Variants in MARCHF4 observed in about 807,000 individuals in gnomAD.
The protein encoded by MARCHF4 is E3 ubiquitin-protein ligase MARCHF4.
Under a neutral mutation model 43.9 loss-of-function variants are expected in MARCHF4, and 14 were observed. The ratio of observed to expected loss-of-function variants is 0.32; its 90% CI spans 0.21 to 0.50. MARCHF4 has a LOEUF of 0.50. MARCHF4 is among the 20% of genes least tolerant of loss of function. The pLI, the probability that MARCHF4 is intolerant of heterozygous loss-of-function variation, is 0.98. For missense variants in MARCHF4, 468 were observed against 536.7 expected, an observed-to-expected ratio of 0.87 and a Z score of 1.27; for synonymous variants, 226 against 213.3, an observed-to-expected ratio of 1.06 and a Z score of -0.52.
Position 216,370,083 on chromosome 2 carries a change from C to T in MARCHF4, c.178G>A (p.Ala60Thr), listed in dbSNP as rs1442976344. ...KVFLLRRPPQ[A>T]PLPMHGDPQP... The stretch of plus-strand genomic sequence containing the variant: ...GGGTCGCCGTGCATGGGCAGGGGCG[C>T]TTGAGGAGGGCGCCGCAGTAAGAAA... The change falls in exon 1 of 4, where the codon GCG becomes ACG. Residue 60 changes from alanine to threonine, a missense_variant. Transcript: ENST00000273067. 4 of 1,579,928 alleles carry T rather than the reference C, an allele frequency of 2.5e-6. No homozygotes were observed. The highest frequency in any genetic ancestry group is 1.8e-5 in the Admixed American group (1 of 54,770).
Position 216,298,732 on chromosome 2 carries a change from A to G in MARCHF4, c.517-15003T>C, listed in dbSNP as rs1427465171. Among the ~76,000 whole-genome samples, 4 of 152,168 alleles carry G rather than the reference A, an allele frequency of 2.6e-5. No homozygotes were observed. In the East Asian group the frequency reaches 7.7e-4, roughly 29 times the overall value. ...CCTCATAACTACAGCCCCTTCCCAC[A>G]CATAAAATTCCCCCTAAATCAGGAA... On this transcript the variant is annotated intron_variant, in intron 1 of 3. Coordinates refer to ENST00000273067, the MANE Select transcript of MARCHF4 (RefSeq NM_020814.3).
chr2:216,330,766 G>A (rs894658062), intron 1 of MARCHF4, among the ~76,000 whole-genome samples: 37 of 151,992 alleles, frequency 2.4e-4, no homozygotes, highest in Non-Finnish European at 1.0e-4. Context: ...ATGGGTTAAA[G>A]AAGAAATCAC....
chr2:216,341,658 G>A (rs1692237105), intron 1 of MARCHF4, among the ~76,000 whole-genome samples: 1 of 152,230 alleles, frequency 6.6e-6, no homozygotes, highest in South Asian at 2.1e-4. Flanking sequence ...GCAGTGAATG[G>A]AGGACAGCAA....
intron 1 of MARCHF4, among the ~76,000 whole-genome samples, chr2:216,320,607 T>TTTTTTCTTTCTTTCTTTC (rs1553518097): frequency 8.9e-5 from 10 of 112,180 alleles, no homozygotes; most frequent in Admixed American, 4.2e-4. Flanking sequence ...TATAGCCTCT[T>TTTTTTCTTTCTTTCTTTC]TTTCTTTCTT....
chr2:216,323,234 TAA>T (rs990134358), intron 1 of MARCHF4, among the ~76,000 whole-genome samples: 6 of 152,208 alleles, frequency 3.9e-5, no homozygotes, highest in African/African-American at 1.4e-4. Context: ...AATGAGTGGG[TAA>T]GAATCTGGGC....
chr2:216,327,558 G>T (rs571965452), intron 1 of MARCHF4, among the ~76,000 whole-genome samples: 1 of 152,184 alleles, frequency 6.6e-6, no homozygotes, highest in East Asian at 1.9e-4. Context: ...AAGCTTTTCT[G>T]CAACCTCTCT....
intron 1 of MARCHF4, among the ~76,000 whole-genome samples, chr2:216,311,936 T>G (rs933349869): frequency 6.6e-6 from 1 of 152,252 alleles, no homozygotes; most frequent in African/African-American, 2.4e-5. Context: ...ACATTGATTA[T>G]AAGGTTGATT....
chr2:216,329,344 G>A (rs1258310365), intron 1 of MARCHF4, among the ~76,000 whole-genome samples: 2 of 152,286 alleles, frequency 1.3e-5, no homozygotes, highest in Middle Eastern at 3.4e-3. Context: ...TGGCGCCACT[G>A]GACTCCAGCC....
At chr2:216,358,098 G>T (rs923163430) in intron 1 of MARCHF4, among the ~76,000 whole-genome samples, 1 of 152,184 alleles carries the variant, frequency 6.6e-6, no homozygotes, top group African/African-American at 2.4e-5. Flanking sequence ...ACTATGCTAA[G>T]ATTTTTGCAT....
chr2:216,268,912 C>T (rs774951779), intron 3 of MARCHF4, among the ~76,000 whole-genome samples: 16 of 152,162 alleles, frequency 1.1e-4, no homozygotes, highest in Non-Finnish European at 2.4e-4. Context: ...AATCCTGCTG[C>T]CCCCATCCTC....
At chr2:216,344,542 T>A (rs1395782990) in intron 1 of MARCHF4, among the ~76,000 whole-genome samples, 2 of 152,104 alleles carry the variant, frequency 1.3e-5, no homozygotes, top group Non-Finnish European at 2.9e-5. Flanking sequence ...TTGGCAAGAA[T>A]GGGAAATTGA....
chr2:216,333,588 T>G (rs1692113322), intron 1 of MARCHF4, among the ~76,000 whole-genome samples: 1 of 152,192 alleles, frequency 6.6e-6, no homozygotes, highest in Non-Finnish European at 1.5e-5. Context: ...AAATCACACA[T>G]GCATGCCCCA....
chr2:216,307,824 C>G (rs746445029), intron 1 of MARCHF4, among the ~76,000 whole-genome samples: 1 of 152,098 alleles, frequency 6.6e-6, no homozygotes, highest in Non-Finnish European at 1.5e-5. Flanking sequence ...GTGGGAAGAG[C>G]GCTTGAGGCC....
chr2:216,259,422 G>C lies in MARCHF4; in HGVS notation c.1123C>G (p.His375Asp). ...TGCAGGATGGTATAAGCACAGTGGT[G>C]ATGGGACAGAGGGCCTGAGGGGTGG... ...AGHPSGPLSH[H>D]HCAYTILHIL... The change falls in exon 4 of 4, where the codon CAC (histidine) becomes GAC (aspartate). Residue 375 changes from histidine to aspartate, a missense_variant. Coordinates refer to ENST00000273067, the MANE Select transcript of MARCHF4 (RefSeq NM_020814.3). The C allele has an allele frequency of 1.2e-6, 2 of 1,614,018 alleles. No homozygotes were observed. Among genetic ancestry groups the C allele is most frequent in the Non-Finnish European group, 1.7e-6 (2 of 1,179,926 alleles).
chr2:216,316,620 C>A (rs1313288846), intron 1 of MARCHF4, among the ~76,000 whole-genome samples: 1 of 151,980 alleles, frequency 6.6e-6, no homozygotes, highest in East Asian at 1.9e-4. Flanking sequence ...TAGATACACC[C>A]CCAAATCCCA....
intron 2 of MARCHF4, among the ~76,000 whole-genome samples, chr2:216,280,875 C>A (rs2105939489): frequency 6.6e-6 from 1 of 152,120 alleles, no homozygotes; most frequent in Admixed American, 6.5e-5. Context: ...ACTAAATGTT[C>A]ATTAATAATT....
intron 1 of MARCHF4, among the ~76,000 whole-genome samples, chr2:216,286,830 G>A (rs1020873800): frequency 1.3e-5 from 2 of 152,178 alleles, no homozygotes; most frequent in African/African-American, 4.8e-5. Context: ...CAACAGAAGT[G>A]GAAATGAGCC....
At chr2:216,339,567 G>A (rs879860473) in intron 1 of MARCHF4, among the ~76,000 whole-genome samples, 4 of 152,062 alleles carry the variant, frequency 2.6e-5, no homozygotes, top group Non-Finnish European at 4.4e-5. Context: ...TGTAAAACAC[G>A]CTTTTCTCTC....
chr2:216,294,366 G>A (rs907476217), intron 1 of MARCHF4, among the ~76,000 whole-genome samples: 1 of 152,264 alleles, frequency 6.6e-6, no homozygotes, highest in South Asian at 2.1e-4. Context: ...TTCAGTCACT[G>A]TAATTAATAT....
Sources: gnomAD v4.1 joint callset for allele counts (sites outside exome capture counted in the v4.1 genomes callset) on GRCh38, gnomAD v4.1.1 for gene constraint, MANE v1.5 for transcripts, NCBI Gene and HGNC (gene_info 2026-07-23, HGNC 2026-07-21) for gene names.